The following FBXL2 variants were observed in gnomAD, a reference collection of about 807,000 sequenced individuals.
The protein encoded by FBXL2 is F-box and leucine rich repeat protein 2.
Under a neutral mutation model 69.2 loss-of-function variants are expected in FBXL2, and 38 were observed. That is an observed-to-expected ratio of 0.55 (90% CI 0.42 to 0.72). FBXL2 has a LOEUF of 0.72. Ranked by LOEUF, FBXL2 falls within the 30% of genes least tolerant of loss-of-function variation. The pLI is 0.00. For missense variants in FBXL2, 354 were observed against 520.3 expected (o/e 0.68, Z 3.11); for synonymous variants, 192 against 201.3 (o/e 0.95, Z 0.39).
chr3:33,289,332 T>C (rs2034987166), intron 1 of FBXL2, among the ~76,000 whole-genome samples: 1 of 152,192 alleles, frequency 6.6e-6, no homozygotes, highest in Non-Finnish European at 1.5e-5. Context: ...AGTCTGTTTT[T>C]CTTCCATCAA....
chr3:33,332,412 A>C (rs2039235990), intron 2 of FBXL2, among the ~76,000 whole-genome samples: 1 of 152,250 alleles, frequency 6.6e-6, no homozygotes, highest in African/African-American at 2.4e-5. Context: ...TATGTGGCCT[A>C]GAAATTCCAC....
At chr3:33,297,804 G>C in intron 2 of FBXL2, 79 bp downstream of exon 2, 1 of 861,502 alleles carries the variant, frequency 1.2e-6, no homozygotes, top group Non-Finnish European at 1.9e-6. Flanking sequence ...CTTTCTCACT[G>C]TGAGTCCATA....
intron 2 of FBXL2, among the ~76,000 whole-genome samples, chr3:33,298,671 TG>T (rs1225979841): frequency 1.6e-5 from 2 of 126,392 alleles, no homozygotes; most frequent in Admixed American, 1.0e-4. Flanking sequence ...CACTCTAGCC[TG>T]GGTGACAGAG....
chr3:33,294,782 G>A (rs758337012), intron 1 of FBXL2, among the ~76,000 whole-genome samples: 2 of 151,044 alleles, frequency 1.3e-5, no homozygotes, highest in African/African-American at 2.4e-5. Flanking sequence ...GGTTGAGACT[G>A]CATTGAGCTG....
intron 12 of FBXL2, chr3:33,396,158 C>T (rs1451646705): frequency 1.3e-6 from 2 of 1,563,024 alleles, no homozygotes; most frequent in Non-Finnish European, 1.8e-6. Context: ...CCCTCAATAC[C>T]TACCATAGGG....
At chr3:33,303,058 T>C (rs1298013919) in intron 2 of FBXL2, 3 of 456,728 alleles carry the variant, frequency 6.6e-6, no homozygotes, top group South Asian at 4.6e-5. Flanking sequence ...TCTTGTTGCC[T>C]GCTGGTTGGT....
intron 1 of FBXL2, among the ~76,000 whole-genome samples, chr3:33,287,355 A>G (rs2034746848): frequency 6.6e-6 from 1 of 152,134 alleles, no homozygotes; most frequent in South Asian, 2.1e-4. Context: ...AATTTTTAGT[A>G]ATTGTAACAA....
At chr3:33,337,976 A>C (rs1402572346) in intron 2 of FBXL2, among the ~76,000 whole-genome samples, 2 of 152,252 alleles carry the variant, frequency 1.3e-5, no homozygotes, top group Non-Finnish European at 1.5e-5. Flanking sequence ...TGACACAAAC[A>C]AAAAAACATT....
intron 2 of FBXL2, among the ~76,000 whole-genome samples, chr3:33,322,880 T>C (rs1330699517): frequency 6.6e-6 from 1 of 152,204 alleles, no homozygotes; most frequent in Non-Finnish European, 1.5e-5. Flanking sequence ...CTATGTTTTA[T>C]TCTTTCCTTG....
chr3:33,350,505 T>A (rs1334032903), intron 2 of FBXL2, among the ~76,000 whole-genome samples: 4 of 151,924 alleles, frequency 2.6e-5, no homozygotes, highest in African/African-American at 9.7e-5. Context: ...CAGTCTCTGC[T>A]CACTGCAACA....
intron 12 of FBXL2, 38 bp from the exon 13 acceptor site, chr3:33,378,647 G>C: frequency 3.1e-6 from 5 of 1,596,446 alleles, no homozygotes; most frequent in South Asian, 2.3e-5. Flanking sequence ...TTAAGTTCTG[G>C]TGTAGAAGCC....
chr3:33,378,592 T>C (rs1434802248), intron 12 of FBXL2, 93 bp from the exon 13 acceptor site: 7 of 1,301,374 alleles, frequency 5.4e-6, no homozygotes, highest in Middle Eastern at 1.9e-4. Context: ...TTTAATTCTT[T>C]TACACCTTTT....
At chr3:33,332,753 A>G (rs752141298) in intron 2 of FBXL2, among the ~76,000 whole-genome samples, 3 of 152,232 alleles carry the variant, frequency 2.0e-5, no homozygotes, top group Non-Finnish European at 4.4e-5. Flanking sequence ...ACTGAATACT[A>G]TAAGTGATTG....
Position 33,373,941 on chromosome 3 carries a change from T to C in FBXL2, c.657+20T>C. ...TGCTCAGTAAGTAGCGTGCCTTTCC[T>C]GAACACTGTTTGCTCTATCTTGTCT... On this transcript the variant is annotated intron_variant, in intron 9 of 14. Coordinates refer to ENST00000484457, the MANE Select transcript of FBXL2 (RefSeq NM_012157.5). 1 of 1,612,572 alleles carries C rather than the reference T, an allele frequency of 6.2e-7. No individual in the cohort carries two copies. Among genetic ancestry groups the C allele is most frequent in the Non-Finnish European group, 8.5e-7 (1 of 1,178,608 alleles).
At chr3:33,311,437 C>T (rs1012263101) in intron 2 of FBXL2, among the ~76,000 whole-genome samples, 7 of 152,068 alleles carry the variant, frequency 4.6e-5, no homozygotes, top group Non-Finnish European at 1.0e-4. Flanking sequence ...CTTGTTGGTG[C>T]CTCATAATTC....
chr3:33,330,995 TATATCTTAC>T (rs2039117510), intron 2 of FBXL2, among the ~76,000 whole-genome samples: 1 of 150,804 alleles, frequency 6.6e-6, no homozygotes, highest in South Asian at 2.1e-4. Flanking sequence ...ATATAATATA[TATATCTTAC>T]ATGTACCTGA....
chr3:33,394,837 TA>T (rs397961017), intron 12 of FBXL2, among the ~76,000 whole-genome samples: 3 of 150,292 alleles, frequency 2.0e-5, no homozygotes, highest in Non-Finnish European at 3.0e-5. Context: ...TTTTTTTTTT[TA>T]AATAAAGTTT....
intron 2 of FBXL2, 110 bp from the exon 3 acceptor site, chr3:33,358,857 T>C (rs1380943070): frequency 3.6e-6 from 2 of 557,698 alleles, no homozygotes; most frequent in African/African-American, 1.9e-5. Flanking sequence ...TTGAGGAATC[T>C]TGAAAAAACT....
At chr3:33,354,078 TTAA>T (rs2041020797) in intron 2 of FBXL2, among the ~76,000 whole-genome samples, 1 of 152,098 alleles carries the variant, frequency 6.6e-6, no homozygotes, top group South Asian at 2.1e-4. Context: ...TAGACCTTAG[TTAA>T]TAATAATGTA....
Sources: allele counts gnomAD v4.1 joint callset (sites outside exome capture counted in the v4.1 genomes callset), GRCh38; gene constraint gnomAD v4.1.1; transcripts MANE v1.5; gene names NCBI Gene and HGNC (gene_info 2026-07-23, HGNC 2026-07-21).